NAV2: variants seen among roughly 807,000 people sequenced by gnomAD.
NAV2 encodes helicase, APC down-regulated 1.
In NAV2, 54 loss-of-function variants were observed where a neutral mutation model predicts 223.2. The observed-to-expected ratio is 0.24, with a 90% CI of 0.19 to 0.30. The LOEUF is 0.30. Ranked by LOEUF, NAV2 falls within the 10% of genes least tolerant of loss-of-function variation. The pLI is 1.00. For missense variants in NAV2, 2,806 were observed against 3,147.5 expected, an observed-to-expected ratio of 0.89 and a Z score of 2.60; for synonymous variants, 1,279 against 1,239.3, an observed-to-expected ratio of 1.03 and a Z score of -0.67.
chr11:19,536,240 A>C (rs755678937), intron 1 of NAV2, among the ~76,000 whole-genome samples: 24 of 152,226 alleles, frequency 1.6e-4, no homozygotes, highest in Non-Finnish European at 3.2e-4. Flanking sequence ...CAACTTTCCT[A>C]GAGCTATCCA....
intron 1 of NAV2, among the ~76,000 whole-genome samples, chr11:19,483,235 A>G (rs757954473): frequency 3.3e-5 from 5 of 152,250 alleles, no homozygotes; most frequent in African/African-American, 4.8e-5. Flanking sequence ...AAAGTTCCAG[A>G]AATGAACAAT....
intron 4 of NAV2, among the ~76,000 whole-genome samples, chr11:19,876,453 T>C (rs187723079): frequency 3.3e-5 from 5 of 152,168 alleles, no homozygotes; most frequent in Non-Finnish European, 2.9e-5. Context: ...AATCTCAAAG[T>C]GTATAAACGA....
At chr11:19,737,575 T>G (rs1590235321) in intron 1 of NAV2, among the ~76,000 whole-genome samples, 1 of 152,202 alleles carries the variant, frequency 6.6e-6, no homozygotes, top group Non-Finnish European at 1.5e-5. Context: ...AGAGACTGGA[T>G]CCAAGAACCA....
chr11:19,464,428 G>A (rs1394966055), intron 1 of NAV2, among the ~76,000 whole-genome samples: 1 of 152,168 alleles, frequency 6.6e-6, no homozygotes, highest in Non-Finnish European at 1.5e-5. Flanking sequence ...AGATCCTGCT[G>A]ATGAGAGCAG....
At chr11:20,103,437 C>G (rs756460723) in intron 33 of NAV2, 28 bp downstream of exon 33, 4 of 1,604,770 alleles carry the variant, frequency 2.5e-6, no homozygotes, top group South Asian at 2.2e-5. Flanking sequence ...ACCTCATAGC[C>G]CCCCGGGAGA....
In NAV2 at chr11:20,119,745, A is replaced by G. The variant is rs1442316660; in HGVS notation, c.*1487A>G. 3.3e-5 allele frequency: 5 copies of G among 152,502 alleles called. No individual in the cohort carries two copies. The East Asian group carries it at 7.7e-4, about 24-fold the overall frequency. 9.4% of individuals were successfully genotyped at this position (152,502 alleles called of 1,614,324 possible). A position where few individuals can be genotyped will look rare whatever the true frequency, so the allele number is the denominator to read the frequency against. On this transcript the variant is annotated 3_prime_UTR_variant, in exon 38 of 38. Coordinates refer to ENST00000349880, the MANE Select transcript of NAV2 (RefSeq NM_145117.5). Reference sequence around the variant, plus strand: ...AACAGGGCTAAAAAGTCATCTGTTCATTAGGAGAACTCAAGTTGCTGTGAC... The same window carrying G: ...AACAGGGCTAAAAAGTCATCTGTTCGTTAGGAGAACTCAAGTTGCTGTGAC...
chr11:19,548,771 G>A (rs968891997), intron 1 of NAV2, among the ~76,000 whole-genome samples: 18 of 151,380 alleles, frequency 1.2e-4, no homozygotes, highest in Admixed American at 7.2e-4. Context: ...CCAGCTACTC[G>A]GGAGGTTGAG....
intron 1 of NAV2, among the ~76,000 whole-genome samples, chr11:19,614,745 G>C (rs1253014899): frequency 6.6e-6 from 1 of 152,044 alleles, no homozygotes; most frequent in Non-Finnish European, 1.5e-5. Context: ...CTGTAGCTGT[G>C]GTTTTCCTGT....
rs772093917 is a variant in NAV2 at position 19,984,162 on chromosome 11, C to T, written c.2683C>T (p.Arg895Cys). ...TDGGLGLYTR[R>C]LNRLPDGMAV... The stretch of plus-strand genomic sequence containing the variant: ...TGGTGGACTTGGCCTCTATACCCGT[C>T]GCCTGAACCGGCTCCCTGATGGGAT... The change falls in exon 11 of 38, where the codon CGC (arginine) becomes TGC (cysteine). Residue 895 changes from arginine (R) to cysteine (C), a missense_variant. Physicochemically the swap from Arg to Cys is radical, Grantham distance 180. This residue lies in a region of NAV2 where 1,167 missense variants were observed against 1,180.5 expected (regional missense o/e 0.99). Transcript: ENST00000349880. The T allele has an allele frequency of 9.9e-6, 16 of 1,614,068 alleles. No homozygotes were observed. The highest frequency in any genetic ancestry group is 3.3e-5 in the Admixed American group (2 of 60,004).
intron 2 of NAV2, 84 bp downstream of exon 2, chr11:19,832,685 A>G: frequency 9.4e-7 from 1 of 1,064,380 alleles, no homozygotes; most frequent in African/African-American, 1.6e-5. Context: ...GAGCACTGAA[A>G]TCTCTCAGAA....
At chr11:19,920,542 C>A (rs2044192643) in intron 6 of NAV2, among the ~76,000 whole-genome samples, 1 of 152,222 alleles carries the variant, frequency 6.6e-6, no homozygotes, top group Non-Finnish European at 1.5e-5. Flanking sequence ...CCACCTTGGC[C>A]TCCCAAAGGG....
chr11:19,622,459 A>G (rs974435246), intron 1 of NAV2, among the ~76,000 whole-genome samples: 2 of 152,160 alleles, frequency 1.3e-5, no homozygotes, highest in African/African-American at 4.8e-5. Context: ...GTTGGTATAT[A>G]TTTAGGATAG....
At chr11:19,899,482 A>G (rs73439520) in intron 6 of NAV2, among the ~76,000 whole-genome samples, 38,147 of 152,074 alleles carry the variant, frequency 0.25, 5,808 homozygotes, top group East Asian at 0.49. Flanking sequence ...ACAAAAGTAC[A>G]GTTGGGGTGG....
At chr11:20,115,626 C>T (rs7124560) in intron 37 of NAV2, among the ~76,000 whole-genome samples, 13,571 of 74,718 alleles carry the variant, frequency 0.18, 1,395 homozygotes, top group African/African-American at 0.36. Context: ...AGCAAGACTC[C>T]GTCTCAAAAA....
intron 1 of NAV2, among the ~76,000 whole-genome samples, chr11:19,565,914 C>T (rs1471900): frequency 0.044 from 6,629 of 152,254 alleles, 532 homozygotes; most frequent in African/African-American, 0.15. Context: ...CTTGCGACTT[C>T]GTGTTTCTCC....
At chr11:19,415,960 T>C (rs1046057673) in intron 1 of NAV2, among the ~76,000 whole-genome samples, 1 of 152,154 alleles carries the variant, frequency 6.6e-6, no homozygotes, top group African/African-American at 2.4e-5. Flanking sequence ...TCAAAAGAGC[T>C]ATTTATGACA....
intron 1 of NAV2, among the ~76,000 whole-genome samples, chr11:19,646,547 TG>T (rs1415825128): frequency 6.6e-6 from 1 of 152,120 alleles, no homozygotes; most frequent in Non-Finnish European, 1.5e-5. Context: ...TGAAAACTAC[TG>T]GAAGTCAGAG....
intron 1 of NAV2, among the ~76,000 whole-genome samples, chr11:19,794,689 T>C (rs1332509413): frequency 6.6e-6 from 1 of 152,150 alleles, no homozygotes; most frequent in East Asian, 1.9e-4. Flanking sequence ...CCTCTTGTGA[T>C]GGGTTTAGGG....
intron 11 of NAV2, among the ~76,000 whole-genome samples, chr11:20,009,299 T>C (rs1346429840): frequency 1.3e-5 from 2 of 152,158 alleles, no homozygotes; most frequent in Non-Finnish European, 2.9e-5. Flanking sequence ...TGTGAGCGTC[T>C]AGAGTAACTT....
Sources: gnomAD v4.1 joint callset for allele counts (sites outside exome capture counted in the v4.1 genomes callset) on GRCh38, gnomAD v4.1.1 for gene constraint, gnomAD v4.1.1 regional missense constraint, MANE v1.5 for transcripts, NCBI Gene and HGNC (gene_info 2026-07-23, HGNC 2026-07-21) for gene names.